LMBRD1: variants seen among roughly 807,000 people sequenced by gnomAD.
LMBRD1 encodes the protein LMBR1 domain containing 1, also known as lysosomal cobalamin transport escort protein LMBD1.
LMBRD1 carries 64 observed loss-of-function variants against 74.8 expected under a neutral mutation model. The ratio of observed to expected loss-of-function variants is 0.86; its 90% CI spans 0.70 to 1.05. The LOEUF is 1.05. LMBRD1 is among the 50% of genes least tolerant of loss of function. LMBRD1 has a pLI of 0.00. For synonymous variants in LMBRD1, 204 were observed against 216.3 expected, an observed-to-expected ratio of 0.94 and a Z score of 0.50; for missense variants, 652 against 645.9, an observed-to-expected ratio of 1.01 and a Z score of -0.10.
intron 3 of LMBRD1, among the ~76,000 whole-genome samples, chr6:69,775,689 A>T (rs1765683480): frequency 6.6e-6 from 1 of 152,218 alleles, no homozygotes; most frequent in African/African-American, 2.4e-5. Flanking sequence ...TATCCTTTTA[A>T]TATTCTGTGT....
chr6:69,790,978 T>C (rs1254988809), intron 1 of LMBRD1, among the ~76,000 whole-genome samples: 1 of 152,222 alleles, frequency 6.6e-6, no homozygotes, highest in African/African-American at 2.4e-5. Context: ...CATTATACTA[T>C]AATTTAAATT....
chr6:69,742,328 C>T (rs1379856835), intron 5 of LMBRD1, among the ~76,000 whole-genome samples: 1 of 152,024 alleles, frequency 6.6e-6, no homozygotes, highest in Non-Finnish European at 1.5e-5. Context: ...ACTGTGGAAT[C>T]GGGAGTGATT....
intron 5 of LMBRD1, among the ~76,000 whole-genome samples, chr6:69,747,864 C>A (rs1394999119): frequency 1.3e-5 from 2 of 152,286 alleles, no homozygotes; most frequent in South Asian, 4.1e-4. Flanking sequence ...TTAAAAGAAA[C>A]TCTGAATATG....
At chr6:69,796,167 GGTA>G (rs1309550563) in intron 1 of LMBRD1, among the ~76,000 whole-genome samples, 1 of 152,292 alleles carries the variant, frequency 6.6e-6, no homozygotes, top group Middle Eastern at 3.4e-3. Flanking sequence ...AGGTCAGACA[GGTA>G]GTAGTATATA....
intron 3 of LMBRD1, among the ~76,000 whole-genome samples, chr6:69,778,165 T>C (rs1765745421): frequency 6.6e-6 from 1 of 152,252 alleles, no homozygotes; most frequent in Non-Finnish European, 1.5e-5. Flanking sequence ...ATTCATAATC[T>C]GGCTTTTTAA....
chr6:69,713,579 C>T, intron 9 of LMBRD1, 66 bp downstream of exon 9: 2 of 1,518,252 alleles, frequency 1.3e-6, no homozygotes, highest in Non-Finnish European at 1.8e-6. Context: ...AGAGCTCAAT[C>T]TCTCCAAGAG....
chr6:69,697,452 A>C lies in LMBRD1; in HGVS notation c.1417+111T>G, dbSNP rs531496401. 14 of 771,506 alleles carry C rather than the reference A, an allele frequency of 1.8e-5. No individual in the cohort carries two copies. The South Asian group carries it at 1.9e-4, about 10-fold the overall frequency. The allele number at this position is 771,506 out of a possible 1,614,324, so 47.8% of individuals were successfully genotyped here. On this transcript the variant is annotated intron_variant, in intron 14 of 15. Coordinates refer to ENST00000649934, the MANE Select transcript of LMBRD1 (RefSeq NM_018368.4). ...GATTTACCAACCTCTACTTGCTAAA[A>C]GTTTCCTTCTTACCACGTAGTAAAA...
rs1295355915 is a variant in LMBRD1, at chr6:69,676,201, T to A, written c.1580A>T (p.Asp527Val). Reference sequence around the variant, plus strand: ...GGGCTCATCATCACTTATGTCTGAATCTTCATCTACTCCTTCAATAACCGA... The same window carrying A: ...GGGCTCATCATCACTTATGTCTGAAACTTCATCTACTCCTTCAATAACCGA... ...KKSVIEGVDE[D>V]SDISDDEPSV... The change falls in exon 16 of 16, where the codon GAT (aspartate) becomes GTT (valine). Residue 527 changes from aspartate to valine, a missense_variant. Transcript: ENST00000649934. The A allele has an allele frequency of 1.2e-6, 2 of 1,613,346 alleles. No homozygotes were observed. Among genetic ancestry groups the A allele is most frequent in the Non-Finnish European group, 1.7e-6 (2 of 1,179,648 alleles).
intron 2 of LMBRD1, among the ~76,000 whole-genome samples, chr6:69,784,744 T>C (rs988156679): frequency 2.0e-5 from 3 of 152,218 alleles, no homozygotes; most frequent in Non-Finnish European, 2.9e-5. Context: ...TTCTTTCCTC[T>C]GAAATACCCA....
intron 7 of LMBRD1, among the ~76,000 whole-genome samples, chr6:69,721,385 G>A (rs1250214486): frequency 6.6e-6 from 1 of 152,150 alleles, no homozygotes; most frequent in African/African-American, 2.4e-5. Context: ...TTTGCGTCTT[G>A]GATACCAGCA....
At chr6:69,779,562 C>T (rs1236448433) in intron 3 of LMBRD1, among the ~76,000 whole-genome samples, 1 of 151,924 alleles carries the variant, frequency 6.6e-6, no homozygotes, top group Non-Finnish European at 1.5e-5. Flanking sequence ...CTGCAGTCTA[C>T]TAATGGCAAT....
intron 7 of LMBRD1, among the ~76,000 whole-genome samples, chr6:69,721,884 A>T (rs745337343): frequency 6.6e-5 from 10 of 152,156 alleles, no homozygotes; most frequent in Non-Finnish European, 1.0e-4. Flanking sequence ...CTGTCAGAAG[A>T]GCCCTTGGGC....
Position 69,742,857 on chromosome 6 carries a change from ATGAC to A in LMBRD1, c.474-984_474-981del, listed in dbSNP as rs369680137. ...GCTACTGATAACTCTTATTTAAAAAATGACTGGGCACAGCATGTCAGGGGGTTAC... is the reference window on the plus strand; with the variant it reads ...GCTACTGATAACTCTTATTTAAAAAATGGGCACAGCATGTCAGGGGGTTAC... On this transcript the variant is annotated intron_variant, in intron 5 of 15. Transcript: ENST00000649934. 1.1e-3 allele frequency among the ~76,000 whole-genome samples: 166 copies of A among 152,298 alleles called. 1 individual carries two copies. The highest frequency in any genetic ancestry group is 3.8e-3 in the African/African-American group (157 of 41,578).
chr6:69,794,734 T>C (rs1318324707), intron 1 of LMBRD1, among the ~76,000 whole-genome samples: 2 of 152,218 alleles, frequency 1.3e-5, no homozygotes, highest in African/African-American at 4.8e-5. Context: ...TCTGACAAGA[T>C]CAGTTGTAAT....
chr6:69,757,990 C>G (rs1011863668), intron 3 of LMBRD1, among the ~76,000 whole-genome samples: 2 of 151,976 alleles, frequency 1.3e-5, no homozygotes, highest in Non-Finnish European at 2.9e-5. Context: ...AACAACTTAT[C>G]GAGAACTAGC....
At chr6:69,706,521 G>A (rs945332607) in intron 9 of LMBRD1, among the ~76,000 whole-genome samples, 2 of 151,988 alleles carry the variant, frequency 1.3e-5, no homozygotes, top group Non-Finnish European at 2.9e-5. Context: ...TTAATAATAC[G>A]ATCAACTTTT....
rs755183199 is a variant in LMBRD1, at chr6:69,704,704, C to A, written c.916-2751G>T. On this transcript the variant is annotated intron_variant, in intron 9 of 15. Transcript: ENST00000649934. ...TTAAAACATATGCATATGCAGAAAT[C>A]ATTACTTTATTAGTACTAAATTAGG... Among the ~76,000 whole-genome samples, 96 of 152,166 alleles carry A rather than the reference C, an allele frequency of 6.3e-4. 1 individual carries two copies. The highest frequency in any genetic ancestry group is 5.0e-4 in the Non-Finnish European group (34 of 68,002).
chr6:69,707,514 T>C (rs1284928314), intron 9 of LMBRD1, among the ~76,000 whole-genome samples: 1 of 152,208 alleles, frequency 6.6e-6, no homozygotes, highest in African/African-American at 2.4e-5. Context: ...AATAGGATCA[T>C]TGTTTCCTTA....
In LMBRD1 at chr6:69,755,347, C is replaced by T. The variant is rs138094391; in HGVS notation, c.308-2991G>A. On this transcript the variant is annotated intron_variant, in intron 3 of 15. Transcript: ENST00000649934. ...ACACAGGAAACAGAAAACCAAACAT[C>T]TCATGTTCTCACTCATAAGTGGGAG... Among the ~76,000 whole-genome samples, 171 of 152,162 alleles carry T rather than the reference C, an allele frequency of 1.1e-3. No individual in the cohort carries two copies. The East Asian group carries it at 0.03, about 27-fold the overall frequency.
Sources: gnomAD v4.1 joint callset for allele counts (sites outside exome capture counted in the v4.1 genomes callset) on GRCh38, gnomAD v4.1.1 for gene constraint, MANE v1.5 for transcripts, NCBI Gene and HGNC (gene_info 2026-07-23, HGNC 2026-07-21) for gene names.